The following CD6 variants were observed in gnomAD, a reference collection of about 807,000 sequenced individuals.
CD6 encodes CD6 molecule.
CD6 carries 53 observed loss-of-function variants against 75.3 expected under a neutral mutation model. The ratio of observed to expected loss-of-function variants is 0.70; its 90% confidence interval spans 0.56 to 0.88. The LOEUF (loss-of-function observed/expected upper bound fraction) is 0.88, where lower values mean the gene tolerates loss of function less well. Ranked by LOEUF, CD6 falls within the 40% of genes least tolerant of loss-of-function variation. The pLI, the probability that CD6 is intolerant of heterozygous loss-of-function variation, is 0.00. For missense variants in CD6, 770 were observed against 897.1 expected (o/e 0.86, Z 1.81); for synonymous variants, 359 against 381.5 (o/e 0.94, Z 0.69).
chr11:61,013,311 G>A, intron 6 of CD6, 112 bp from the exon 7 acceptor site: 2 of 1,238,602 alleles, frequency 1.6e-6, no homozygotes, highest in South Asian at 1.5e-5. Flanking sequence ...AGGAAGCAAG[G>A]AGGAAGATAA....
intron 1 of CD6, among the ~76,000 whole-genome samples, chr11:61,000,042 A>T (rs1858507329): frequency 6.6e-6 from 1 of 152,030 alleles, no homozygotes; most frequent in African/African-American, 2.4e-5. Context: ...ACAGAGGGAG[A>T]GTGAGACTCT....
chr11:61,017,198 C>A, intron 9 of CD6: 1 of 468,296 alleles, frequency 2.1e-6, no homozygotes, highest in Admixed American at 3.4e-5. Flanking sequence ...AACCAAGACT[C>A]TTGATACCTC....
rs1335469111 is a variant in CD6, at chr11:61,017,546, G to C, written c.1578G>C (p.Glu526Asp). The C allele has an allele frequency of 1.3e-6, 2 of 1,556,590 alleles. No individual in the cohort carries two copies. The highest frequency in any genetic ancestry group is 4.8e-5 in the East Asian group (2 of 41,350). ...QQSRFQMPPL[E>D]EGLEELHASH... Reference sequence around the variant, plus strand: ...GCAGGTTCCAGATGCCACCCTTGGAGGAAGGTGAGTCAGGATGGGAAGGGG... The same window carrying C: ...GCAGGTTCCAGATGCCACCCTTGGACGAAGGTGAGTCAGGATGGGAAGGGG... The change falls in exon 10 of 13, where the codon GAG becomes GAC. Residue 526 changes from glutamate (E) to aspartate (D), a missense_variant. Transcript: ENST00000313421.
intron 1 of CD6, among the ~76,000 whole-genome samples, chr11:60,991,997 A>T (rs1858083925): frequency 6.6e-6 from 1 of 151,890 alleles, no homozygotes; most frequent in Non-Finnish European, 1.5e-5. Context: ...ATCCAACCTC[A>T]GCCTCTCGAC....
chr11:61,008,905 G>T, intron 4 of CD6, 60 bp downstream of exon 4: 1 of 1,404,314 alleles, frequency 7.1e-7, no homozygotes, highest in Non-Finnish European at 9.4e-7. Context: ...GGCCTACTGG[G>T]CGCCAAGCCT....
chr11:61,000,825 G>A lies in CD6; in HGVS notation c.50-5749G>A, dbSNP rs140542828. On this transcript the variant is annotated intron_variant, in intron 1 of 12. Coordinates refer to ENST00000313421, the MANE Select transcript of CD6 (RefSeq NM_006725.5). Reference sequence around the variant, plus strand: ...TCTTCCTGTGCTTACAGTCTCCTCCGCAGCCCGTTCCACTGGAGTCTTCTT... The same window carrying A: ...TCTTCCTGTGCTTACAGTCTCCTCCACAGCCCGTTCCACTGGAGTCTTCTT... 1.9e-4 allele frequency among the ~76,000 whole-genome samples: 29 copies of A among 152,224 alleles called. No homozygotes were observed. The East Asian group carries it at 3.5e-3, about 18-fold the overall frequency.
chr11:60,991,149 C>CTTTTTTTTTTTTTTTTTTTTTCTCTTT (rs58123378), intron 1 of CD6, among the ~76,000 whole-genome samples: 1 of 114,714 alleles, frequency 8.7e-6, no homozygotes, highest in Non-Finnish European at 1.7e-5. Context: ...CTTTTTCTTT[C>CTTTTTTTTTTTTTTTTTTTTTCTCTTT]TTTTTTTTTT....
chr11:60,998,919 G>A (rs1182493713), intron 1 of CD6, among the ~76,000 whole-genome samples: 1 of 151,786 alleles, frequency 6.6e-6, no homozygotes, highest in Non-Finnish European at 1.5e-5. Context: ...AGCATTTTGG[G>A]AGGCCAAGGC....
chr11:60,993,816 A>G (rs1186218002), intron 1 of CD6, among the ~76,000 whole-genome samples: 1 of 152,108 alleles, frequency 6.6e-6, no homozygotes, highest in African/African-American at 2.4e-5. Context: ...AGTTCCCAGC[A>G]TATGCAACAA....
At chr11:60,975,723 C>G (rs1402446464) in intron 1 of CD6, among the ~76,000 whole-genome samples, 1 of 152,058 alleles carries the variant, frequency 6.6e-6, no homozygotes, top group Non-Finnish European at 1.5e-5. Context: ...TGGTTTGAGC[C>G]CGGGAGTTTG....
intron 1 of CD6, among the ~76,000 whole-genome samples, chr11:60,974,677 G>A (rs752957839): frequency 1.9e-4 from 29 of 152,292 alleles, no homozygotes; most frequent in African/African-American, 2.9e-4. Context: ...CCAGTTCTCC[G>A]CCTCAGTTTC....
rs956892375 is a variant in CD6, at chr11:61,007,824, T to C, written c.383T>C (p.Leu128Pro). The C allele has an allele frequency of 6.9e-7, 1 of 1,455,256 alleles. No individual in the cohort carries two copies. Among genetic ancestry groups the C allele is most frequent in the South Asian group, 1.3e-5 (1 of 74,364 alleles). 90.1% of individuals were successfully genotyped at this position (1,455,256 alleles called of 1,614,324 possible). The change falls in exon 3 of 13, where the codon CTG becomes CCG. Residue 128 changes from leucine (L) to proline (P), a missense_variant. Physicochemically the swap from Leu to Pro is moderately conservative, Grantham distance 98 (BLOSUM62 -3). Transcript: ENST00000313421. The surrounding 1 kb of genome is among the most constrained non-coding windows in gnomAD (Gnocchi z 4.2). ...NATLAGAPAL[L>P]CSGAEWRLCE... Reference sequence around the variant, plus strand: ...ACTCTGGCCGGGGCGCCCGCCCTCCTGTGCAGCGGCGCCGAGTGGCGGCTC... The same window carrying C: ...ACTCTGGCCGGGGCGCCCGCCCTCCCGTGCAGCGGCGCCGAGTGGCGGCTC...
At chr11:60,991,297 T>G (rs56409332) in intron 1 of CD6, among the ~76,000 whole-genome samples, 3,406 of 151,868 alleles carry the variant, frequency 0.022, 131 homozygotes, top group African/African-American at 0.076. Context: ...ATTGCAGGCA[T>G]GCGCCACCAT....
intron 1 of CD6, among the ~76,000 whole-genome samples, chr11:60,973,460 A>G (rs1291131634): frequency 6.6e-6 from 1 of 152,212 alleles, no homozygotes; most frequent in African/African-American, 2.4e-5. Flanking sequence ...GTTGATATTT[A>G]CTTGACTCAC....
At chr11:61,013,627 G>T in intron 7 of CD6, 64 bp downstream of exon 7, 1 of 1,570,724 alleles carries the variant, frequency 6.4e-7, no homozygotes, top group East Asian at 2.2e-5. Flanking sequence ...CAGAACCCCA[G>T]CAGCAGTGGC....
At position 61,015,856 on chromosome 11, in the gene CD6, C is replaced by T. The variant is rs771304483; in HGVS notation, c.1510+21C>T. 3.1e-6 allele frequency: 5 copies of T among 1,613,260 alleles called. No individual in the cohort carries two copies. In the South Asian group the frequency reaches 5.5e-5, roughly 18 times the overall value. On this transcript the variant is annotated intron_variant, in intron 9 of 12. Transcript: ENST00000313421. ...CTACAGTGAGTGCCTGGCCGGGCTCCCGAGGGCCCACCTACCTGAATCTGG... is the reference window on the plus strand; with the variant it reads ...CTACAGTGAGTGCCTGGCCGGGCTCTCGAGGGCCCACCTACCTGAATCTGG...
At chr11:61,008,238 C>A in intron 3 of CD6, 1 of 471,080 alleles carries the variant, frequency 2.1e-6, no homozygotes, top group Non-Finnish European at 3.7e-6. Flanking sequence ...TCTCTCCTCC[C>A]CTTTCGCCAT....
chr11:60,990,040 T>C (rs1158462440), intron 1 of CD6, among the ~76,000 whole-genome samples: 4 of 152,186 alleles, frequency 2.6e-5, no homozygotes, highest in Admixed American at 2.0e-4. Flanking sequence ...TTTATTTTAC[T>C]AAAATTTTAT....
chr11:60,971,783 C>A lies in CD6; in HGVS notation c.-83C>A. 7.1e-7 allele frequency: 1 copy of A among 1,406,124 alleles called. No individual in the cohort carries two copies. The highest frequency in any genetic ancestry group is 1.0e-6 in the Non-Finnish European group (1 of 1,004,590). 87.1% of individuals were successfully genotyped at this position (1,406,124 alleles called of 1,614,324 possible). On this transcript the variant is annotated 5_prime_UTR_variant, in exon 1 of 13. Coordinates refer to ENST00000313421, the MANE Select transcript of CD6 (RefSeq NM_006725.5). ...GTAGAGCAGACCTGCGCCAGGGGCG[C>A]ACAACGGCCGTGTCCACCTCCCGGC...
Sources: allele counts gnomAD v4.1 joint callset (sites outside exome capture counted in the v4.1 genomes callset), GRCh38; gene constraint gnomAD v4.1.1; non-coding constraint Gnocchi (gnomAD v3.1); transcripts MANE v1.5; gene names NCBI Gene and HGNC (gene_info 2026-07-23, HGNC 2026-07-21).